Variants in MBNL2 observed in about 807,000 individuals in gnomAD.
MBNL2 encodes the protein muscleblind like splicing regulator 2, also known as muscleblind-like protein 2.
MBNL2 carries 17 observed loss-of-function variants against 41.9 expected under a neutral mutation model. That is an observed-to-expected ratio of 0.41 (90% CI 0.28 to 0.61). The LOEUF is 0.61. MBNL2 is among the 20% of genes least tolerant of loss of function. MBNL2 has a pLI of 0.35. For synonymous variants in MBNL2, 195 were observed against 182.9 expected (o/e 1.07, Z -0.53); for missense variants, 336 against 505.6 (o/e 0.66, Z 3.22).
chr13:97,168,234 G>A, the MBNL2 span, among the ~76,000 whole-genome samples: 2 of 152,150 alleles, frequency 1.3e-5, no homozygotes, highest in South Asian at 4.1e-4. Context: ...AAAGTGCTGG[G>A]ATTACAGGTG....
chr13:97,276,234 C>T lies in MBNL2; in HGVS notation c.-2C>T, dbSNP rs1425860297. ...ACAAACAGCCCAAATTACTTTATCACCATGGCTTTGAACGTTGCCCCAGTC... is the reference window on the plus strand; with the variant it reads ...ACAAACAGCCCAAATTACTTTATCATCATGGCTTTGAACGTTGCCCCAGTC... On this transcript the variant is annotated 5_prime_UTR_variant, in exon 2 of 9. Coordinates refer to ENST00000679496, the MANE Select transcript of MBNL2 (RefSeq NM_001382683.1). 1.2e-6 allele frequency: 2 copies of T among 1,611,618 alleles called. No homozygotes were observed. The highest frequency in any genetic ancestry group is 2.2e-5 in the East Asian group (1 of 44,836).
chr13:97,368,851 T>C (rs1435210387), intron 8 of MBNL2, among the ~76,000 whole-genome samples: 1 of 152,152 alleles, frequency 6.6e-6, no homozygotes, highest in African/African-American at 2.4e-5. Context: ...GGTTTCAACT[T>C]CTTTAATTGC....
chr13:97,188,621 C>T, the MBNL2 span, among the ~76,000 whole-genome samples: 35 of 146,512 alleles, frequency 2.4e-4, no homozygotes, highest in Non-Finnish European at 4.3e-4. Flanking sequence ...CACTAACACA[C>T]GTGAAAACCC....
At chr13:97,175,734 G>A in the MBNL2 span, among the ~76,000 whole-genome samples, 1 of 152,296 alleles carries the variant, frequency 6.6e-6, no homozygotes, top group South Asian at 2.1e-4. Context: ...AGGGCAATAA[G>A]TGTGAGAGCC....
intron 2 of MBNL2, among the ~76,000 whole-genome samples, chr13:97,323,292 G>T (rs1159121594): frequency 6.6e-6 from 1 of 152,164 alleles, no homozygotes; most frequent in East Asian, 1.9e-4. Context: ...TTCAAAAATT[G>T]ACTAGCTTCT....
intron 8 of MBNL2, among the ~76,000 whole-genome samples, chr13:97,371,717 G>A (rs1037344839): frequency 2.0e-5 from 3 of 152,178 alleles, no homozygotes; most frequent in Admixed American, 2.0e-4. Flanking sequence ...CTGGGACAAT[G>A]GCAGCTGGCA....
intron 5 of MBNL2, among the ~76,000 whole-genome samples, chr13:97,350,643 A>G (rs2062361602): frequency 6.6e-6 from 1 of 152,238 alleles, no homozygotes; most frequent in East Asian, 1.9e-4. Context: ...AGTAGAACCC[A>G]TCTCAAGAAA....
chr13:97,321,467 A>G (rs4771270), intron 2 of MBNL2, among the ~76,000 whole-genome samples: 94,384 of 152,092 alleles, frequency 0.62, 31,791 homozygotes, highest in African/African-American at 0.91. Flanking sequence ...TATCATGCAA[A>G]GTCACTCATT....
intron 2 of MBNL2, among the ~76,000 whole-genome samples, chr13:97,311,522 C>G (rs1478472309): frequency 6.6e-6 from 1 of 152,068 alleles, no homozygotes; most frequent in Non-Finnish European, 1.5e-5. Flanking sequence ...TTCATTCTAG[C>G]TATGCTTTAT....
intron 2 of MBNL2, among the ~76,000 whole-genome samples, chr13:97,299,182 T>C (rs1233272252): frequency 6.6e-6 from 1 of 152,188 alleles, no homozygotes; most frequent in Admixed American, 6.5e-5. Flanking sequence ...CTACTTTCAC[T>C]TTTCTAGTTT....
chr13:97,339,874 C>CG lies in MBNL2; in HGVS notation c.340-3134dup, dbSNP rs576577245. ...TACGGGCAACTGATTTGTGTGTGGGCGGGGGGGGCGTTGTTTTTCCTCTTT... is the reference window on the plus strand; with the variant it reads ...TACGGGCAACTGATTTGTGTGTGGGCGGGGGGGGGCGTTGTTTTTCCTCTTT... On this transcript the variant is annotated intron_variant, in intron 3 of 8. Transcript: ENST00000679496. Among the ~76,000 whole-genome samples the CG allele has an allele frequency of 7.9e-4, 87 of 110,680 alleles. 2 individuals are homozygous for CG. The highest frequency in any genetic ancestry group is 3.6e-3 in the Admixed American group (39 of 10,818). 72.6% of individuals were successfully genotyped at this position (110,680 alleles called of 152,430 possible). A position where few individuals can be genotyped will look rare whatever the true frequency, so the allele number is the denominator to read the frequency against.
chr13:97,350,325 G>C (rs1025415471), intron 5 of MBNL2, among the ~76,000 whole-genome samples: 2 of 152,194 alleles, frequency 1.3e-5, no homozygotes, highest in Non-Finnish European at 2.9e-5. Flanking sequence ...GGAAGGTCTT[G>C]CCTCGATGTT....
chr13:97,269,753 C>T (rs2050548846), intron 1 of MBNL2, among the ~76,000 whole-genome samples: 2 of 152,084 alleles, frequency 1.3e-5, no homozygotes, highest in South Asian at 4.1e-4. Flanking sequence ...GAAGTGAAGC[C>T]TTCTCCAGAT....
intron 1 of MBNL2, among the ~76,000 whole-genome samples, chr13:97,257,072 T>C (rs1171730120): frequency 6.6e-6 from 1 of 152,210 alleles, no homozygotes; most frequent in African/African-American, 2.4e-5. Flanking sequence ...GCATGCCTTT[T>C]GGTGATTGGA....
chr13:97,217,432 C>T (rs865940108), upstream of MBNL2, among the ~76,000 whole-genome samples: 8 of 151,896 alleles, frequency 5.3e-5, no homozygotes, highest in Non-Finnish European at 2.9e-5. Flanking sequence ...ACAATTGCTA[C>T]GATGAATAAA....
At chr13:97,203,548 C>T in the MBNL2 span, among the ~76,000 whole-genome samples, 1 of 152,114 alleles carries the variant, frequency 6.6e-6, no homozygotes, top group Non-Finnish European at 1.5e-5. Context: ...AAGCTGCGCT[C>T]ACGGGTAACT....
At chr13:97,197,710 T>C in the MBNL2 span, among the ~76,000 whole-genome samples, 2 of 152,230 alleles carry the variant, frequency 1.3e-5, no homozygotes, top group African/African-American at 2.4e-5. Context: ...ATTCCTCTAA[T>C]TTTTATTTTC....
In MBNL2 at chr13:97,391,324, A is replaced by C. The variant is rs1378507346; in HGVS notation, c.1051A>C (p.Asn351His). 4 of 1,357,676 alleles carry C rather than the reference A, an allele frequency of 2.9e-6. No individual in the cohort carries two copies. Among genetic ancestry groups the C allele is most frequent in the Non-Finnish European group, 4.2e-6 (4 of 947,086 alleles). The allele number at this position is 1,357,676 out of a possible 1,614,324, so 84.1% of individuals were successfully genotyped here. A position where few individuals can be genotyped will look rare whatever the true frequency, so the allele number is the denominator to read the frequency against. The change falls in exon 9 of 9, where the codon AAT (asparagine) becomes CAT (histidine). Residue 351 changes from asparagine (N) to histidine (H), a missense_variant and splice_region_variant. Physicochemically the swap from Asn to His is moderately conservative, Grantham distance 68. Coordinates refer to ENST00000679496, the MANE Select transcript of MBNL2 (RefSeq NM_001382683.1). Reference sequence around the variant, plus strand: ...ATGCTTGTCTTTCTCTTTAACAGATAATTCTGAAATAATCAGCAGAAACGG... The same window carrying C: ...ATGCTTGTCTTTCTCTTTAACAGATCATTCTGAAATAATCAGCAGAAACGG... ...LCMTPATSID[N>H]SEIISRNGME...
chr13:97,264,665 T>A (rs2152892428), intron 1 of MBNL2, among the ~76,000 whole-genome samples: 1 of 152,358 alleles, frequency 6.6e-6, no homozygotes, highest in South Asian at 2.1e-4. Flanking sequence ...ATAATAAAAG[T>A]TGTGTTACAA....
Sources: gnomAD v4.1 joint callset for allele counts (sites outside exome capture counted in the v4.1 genomes callset) on GRCh38, gnomAD v4.1.1 for gene constraint, MANE v1.5 for transcripts, NCBI Gene and HGNC (gene_info 2026-07-23, HGNC 2026-07-21) for gene names.